Variants in DIPK1A observed in about 807,000 individuals in gnomAD.
DIPK1A encodes the protein family with sequence similarity 69 member A.
A neutral mutation model predicts 40.8 loss-of-function variants in DIPK1A; 27 were observed. That is an observed-to-expected ratio of 0.66 (90% confidence interval 0.49 to 0.91). The LOEUF is 0.91. DIPK1A is among the 40% of genes least tolerant of loss of function. DIPK1A has a pLI of 0.00. For missense variants in DIPK1A, 412 were observed against 505.7 expected, an observed-to-expected ratio of 0.81 and a Z score of 1.78; for synonymous variants, 166 against 171.3, an observed-to-expected ratio of 0.97 and a Z score of 0.24.
chr1:92,835,098 C>G, intron 4 of DIPK1A: 1 of 793,514 alleles, frequency 1.3e-6, no homozygotes, highest in Non-Finnish European at 2.0e-6. Flanking sequence ...TCTGCAATGA[C>G]ACAAATCTGT....
At chr1:92,953,413 C>T (rs900384838) in intron 1 of DIPK1A, among the ~76,000 whole-genome samples, 1 of 151,908 alleles carries the variant, frequency 6.6e-6, no homozygotes, top group African/African-American at 2.4e-5. Flanking sequence ...TCTGGATATA[C>T]AAAAAAATTG....
chr1:92,878,728 G>A (rs1377802516), intron 1 of DIPK1A, among the ~76,000 whole-genome samples: 6 of 152,138 alleles, frequency 3.9e-5, no homozygotes, highest in Non-Finnish European at 8.8e-5. Flanking sequence ...TCTGAGGCAG[G>A]AGAATAGCGT....
chr1:92,880,133 CA>C (rs1648302206), intron 1 of DIPK1A, among the ~76,000 whole-genome samples: 1 of 152,158 alleles, frequency 6.6e-6, no homozygotes, highest in Admixed American at 6.5e-5. Flanking sequence ...AAACATCCTG[CA>C]ATGTACAATG....
chr1:92,939,951 C>A (rs201027387), intron 1 of DIPK1A, among the ~76,000 whole-genome samples: 9 of 149,110 alleles, frequency 6.0e-5, no homozygotes, highest in East Asian at 2.0e-4. Context: ...GACCCTGTCT[C>A]AAAAAAAAAA....
chr1:92,870,620 G>T (rs993852912), intron 2 of DIPK1A, among the ~76,000 whole-genome samples: 4 of 152,178 alleles, frequency 2.6e-5, no homozygotes, highest in Non-Finnish European at 5.9e-5. Context: ...ATCATATGTG[G>T]GTTTAAATAT....
chr1:92,900,450 T>C (rs1331725169), intron 1 of DIPK1A, among the ~76,000 whole-genome samples: 2 of 152,150 alleles, frequency 1.3e-5, no homozygotes, highest in Non-Finnish European at 2.9e-5. Flanking sequence ...AATTTTCTGT[T>C]TGGTTCTTGT....
At chr1:92,910,305 A>C (rs1054384697) in intron 1 of DIPK1A, among the ~76,000 whole-genome samples, 1 of 152,198 alleles carries the variant, frequency 6.6e-6, no homozygotes, top group African/African-American at 2.4e-5. Context: ...GATCTCTTGA[A>C]TCACAGTCAG....
In DIPK1A at chr1:92,922,455, G is replaced by A. The variant is rs115753089; in HGVS notation, c.54+38921C>T. ...TATTTGCGCCCAACTACACAATTTC[G>A]TCCGGGGAGAATAACTCATGAGGGA... On this transcript the variant is annotated intron_variant, in intron 1 of 4. Coordinates refer to ENST00000370310, the MANE Select transcript of DIPK1A (RefSeq NM_001006605.5). 2.3e-3 allele frequency among the ~76,000 whole-genome samples: 349 copies of A among 151,710 alleles called. 6 individuals carry two copies. Among genetic ancestry groups the A allele is most frequent in the African/African-American group, 7.8e-3 (322 of 41,340 alleles).
downstream of DIPK1A, among the ~76,000 whole-genome samples, chr1:92,840,025 T>G (rs2100695239): frequency 6.6e-6 from 1 of 151,456 alleles, no homozygotes; most frequent in South Asian, 2.1e-4. Flanking sequence ...TTTTTTTTTT[T>G]TAATTTTTGG....
chr1:92,950,855 T>C lies in DIPK1A; in HGVS notation c.54+10521A>G, dbSNP rs377308792. Among the ~76,000 whole-genome samples the C allele has an allele frequency of 2.3e-4, 35 of 152,346 alleles. 2 individuals carry two copies. The East Asian group carries it at 2.3e-3, about 10-fold the overall frequency. On this transcript the variant is annotated intron_variant, in intron 1 of 4. Transcript: ENST00000370310. ...ATTGCCAGAAGGATTAATATAATCA[T>C]AGCTCTCTTATAAAAATCTCTTGCT...
At chr1:92,903,121 G>A (rs1484831555) in intron 1 of DIPK1A, among the ~76,000 whole-genome samples, 1 of 152,056 alleles carries the variant, frequency 6.6e-6, no homozygotes, top group African/African-American at 2.4e-5. Context: ...GTGGCTTACT[G>A]CAGTCTTGAC....
chr1:92,842,187 T>C lies in DIPK1A; in HGVS notation c.*1196A>G, dbSNP rs985192666. 3.3e-5 allele frequency: 34 copies of C among 1,017,468 alleles called. No individual in the cohort carries two copies. Among genetic ancestry groups the C allele is most frequent in the Non-Finnish European group, 3.1e-5 (26 of 850,048 alleles). 63.0% of individuals were successfully genotyped at this position (1,017,468 alleles called of 1,614,324 possible). A position where few individuals can be genotyped will look rare whatever the true frequency, so the allele number is the denominator to read the frequency against. Reference sequence around the variant, plus strand: ...GGAAATATTTCTTCCATCCATTTATTATAACCAGATGATGAATGGGAAAAG... The same window carrying C: ...GGAAATATTTCTTCCATCCATTTATCATAACCAGATGATGAATGGGAAAAG... On this transcript the variant is annotated 3_prime_UTR_variant, in exon 5 of 5. Coordinates refer to ENST00000370310, the MANE Select transcript of DIPK1A (RefSeq NM_001006605.5).
At chr1:92,873,539 C>T (rs928985867) in intron 2 of DIPK1A, among the ~76,000 whole-genome samples, 19 of 150,960 alleles carry the variant, frequency 1.3e-4, no homozygotes, top group African/African-American at 4.4e-4. Flanking sequence ...CATTTGAACC[C>T]GGGAGGCAGA....
chr1:92,921,534 A>C (rs879538985), intron 1 of DIPK1A, among the ~76,000 whole-genome samples: 3 of 152,214 alleles, frequency 2.0e-5, no homozygotes, highest in Non-Finnish European at 2.9e-5. Flanking sequence ...GCTACATCCT[A>C]AGTGCTTTTG....
intron 3 of DIPK1A, among the ~76,000 whole-genome samples, chr1:92,847,726 A>G (rs888988482): frequency 2.6e-5 from 4 of 152,178 alleles, no homozygotes; most frequent in African/African-American, 9.7e-5. Flanking sequence ...AGTGTTAACT[A>G]TGTCCTATGG....
chr1:92,841,617 G>A, downstream of DIPK1A: 3 of 477,164 alleles, frequency 6.3e-6, no homozygotes, highest in Non-Finnish European at 1.1e-5. Flanking sequence ...TCATACATAA[G>A]TAAATGTATT....
chr1:92,876,599 C>A, intron 1 of DIPK1A, 169 bp from the exon 2 acceptor site: 1 of 632,274 alleles, frequency 1.6e-6, no homozygotes, highest in Non-Finnish European at 2.6e-6. Flanking sequence ...CAGCACTGGT[C>A]TTAGAAAAGG....
At chr1:92,870,424 C>A (rs1391890783) in intron 2 of DIPK1A, among the ~76,000 whole-genome samples, 1 of 152,158 alleles carries the variant, frequency 6.6e-6, no homozygotes, top group Non-Finnish European at 1.5e-5. Flanking sequence ...CGGGGTTTCA[C>A]CATGTTGGCC....
At chr1:92,836,666 AT>A (rs1293949986) in intron 4 of DIPK1A, 9 of 422,156 alleles carry the variant, frequency 2.1e-5, no homozygotes, top group Middle Eastern at 1.4e-3. Context: ...ATATGACTTA[AT>A]TCTTATTAGA....
Sources: gnomAD v4.1 joint callset for allele counts (sites outside exome capture counted in the v4.1 genomes callset) on GRCh38, gnomAD v4.1.1 for gene constraint, MANE v1.5 for transcripts, NCBI Gene and HGNC (gene_info 2026-07-23, HGNC 2026-07-21) for gene names.